Variants in SEC14L2 observed in about 807,000 individuals in gnomAD.
SEC14L2 encodes the protein SEC14-like protein 2.
In SEC14L2, 50 loss-of-function variants were observed where a neutral mutation model predicts 56.9. The observed-to-expected ratio is 0.88, with a 90% CI of 0.70 to 1.11. The LOEUF (loss-of-function observed/expected upper bound fraction) is 1.11, where lower values mean the gene tolerates loss of function less well. SEC14L2 is among the 50% of genes most tolerant of loss of function. The pLI is 0.00. For missense variants in SEC14L2, 414 were observed against 500.7 expected (o/e 0.83, Z 1.65); for synonymous variants, 179 against 188.5 (o/e 0.95, Z 0.41).
intron 11 of SEC14L2, among the ~76,000 whole-genome samples, chr22:30,420,229 A>C (rs1934482184): frequency 6.6e-6 from 1 of 152,212 alleles, no homozygotes; most frequent in Admixed American, 6.5e-5. Context: ...CTGGGATTAC[A>C]GGCGTGAGCC....
intron 2 of SEC14L2, among the ~76,000 whole-genome samples, chr22:30,402,954 C>A (rs1933981817): frequency 6.6e-6 from 1 of 151,992 alleles, no homozygotes; most frequent in Admixed American, 6.6e-5. Context: ...GTGGCGTGCA[C>A]CTGTAGTCCC....
intron 5 of SEC14L2, 95 bp from the exon 6 acceptor site, chr22:30,409,092 T>C: frequency 9.2e-7 from 1 of 1,087,540 alleles, no homozygotes; most frequent in Non-Finnish European, 1.4e-6. Flanking sequence ...CTCTGATTGC[T>C]CTCTGGATGC....
Position 30,422,580 on chromosome 22 carries a change from G to A in SEC14L2, c.*173G>A. The A allele has an allele frequency of 1.4e-6, 1 of 724,796 alleles. No homozygotes were observed. The highest frequency in any genetic ancestry group is 1.9e-5 in the South Asian group (1 of 52,132). 44.9% of individuals were successfully genotyped at this position (724,796 alleles called of 1,614,324 possible). ...AAGAGCGACTGCAGTGGGTCTCCGTGTCTATCAAATACCTAAGGAGTCCCC... is the reference window on the plus strand; with the variant it reads ...AAGAGCGACTGCAGTGGGTCTCCGTATCTATCAAATACCTAAGGAGTCCCC... On this transcript the variant is annotated 3_prime_UTR_variant, in exon 12 of 12. Transcript: ENST00000615189.
chr22:30,416,095 C>A lies in SEC14L2; in HGVS notation c.911+8C>A, dbSNP rs773979554. ...CCCTGGCTGTGTCCTCAGGTAGGGGCCTGGGCCCTTCCAGGAGACCCGAGC... is the reference window on the plus strand; with the variant it reads ...CCCTGGCTGTGTCCTCAGGTAGGGGACTGGGCCCTTCCAGGAGACCCGAGC... On this transcript the variant is annotated splice_region_variant and intron_variant, in intron 10 of 11. Coordinates refer to ENST00000615189, the MANE Select transcript of SEC14L2 (RefSeq NM_012429.5). 1.3e-5 allele frequency: 21 copies of A among 1,614,046 alleles called. No individual in the cohort carries two copies. Among genetic ancestry groups the A allele is most frequent in the Non-Finnish European group, 1.8e-5 (21 of 1,179,980 alleles).
intron 2 of SEC14L2, among the ~76,000 whole-genome samples, chr22:30,403,871 C>T (rs11089448): frequency 0.16 from 24,847 of 151,240 alleles, 2,499 homozygotes; most frequent in South Asian, 0.39. Flanking sequence ...GGTGCGGTGG[C>T]GGGCGCCTGT....
intron 11 of SEC14L2, chr22:30,416,930 C>G (rs1186211235): frequency 4.5e-6 from 4 of 883,008 alleles, no homozygotes; most frequent in Non-Finnish European, 5.5e-6. Flanking sequence ...GGTGCTTAAT[C>G]TCTCTTAACT....
At position 30,424,615 on chromosome 22, in the gene SEC14L2, A is replaced by G. The variant is rs1258196661; in HGVS notation, c.*2208A>G. On this transcript the variant is annotated 3_prime_UTR_variant, in exon 12 of 12. Transcript: ENST00000615189. ...AAATAAGCCGTGCAAAGCGCTTAAG[A>G]GCTTGGTATAAGTAAGTGCTCGTCA... 2.3e-6 allele frequency: 1 copy of G among 436,448 alleles called. No homozygotes were observed. The highest frequency in any genetic ancestry group is 2.5e-5 in the Admixed American group (1 of 39,544). 27.0% of individuals were successfully genotyped at this position (436,448 alleles called of 1,614,324 possible). A position where few individuals can be genotyped will look rare whatever the true frequency, so the allele number is the denominator to read the frequency against.
chr22:30,405,918 T>C (rs1934080239), intron 2 of SEC14L2, among the ~76,000 whole-genome samples: 1 of 152,084 alleles, frequency 6.6e-6, no homozygotes, highest in African/African-American at 2.4e-5. Context: ...GCTGGTATGT[T>C]CATCTTTGAA....
intron 11 of SEC14L2, among the ~76,000 whole-genome samples, chr22:30,418,616 G>T (rs1254263878): frequency 6.6e-6 from 1 of 152,186 alleles, no homozygotes; most frequent in South Asian, 2.1e-4. Context: ...TGCCTGCAGG[G>T]TCTTGTCTGG....
At chr22:30,399,548 A>G (rs549775594) in intron 1 of SEC14L2, 95 bp from the exon 2 acceptor site, 1 of 715,378 alleles carries the variant, frequency 1.4e-6, no homozygotes, top group Non-Finnish European at 2.2e-6. Context: ...GAAACAAAGA[A>G]AGAGGCGTCC....
At chr22:30,409,105 A>C (rs1934176729) in intron 5 of SEC14L2, 82 bp from the exon 6 acceptor site, 1 of 1,188,408 alleles carries the variant, frequency 8.4e-7, no homozygotes, top group Non-Finnish European at 1.3e-6. Flanking sequence ...CTGGATGCAC[A>C]GTGCAATCAT....
At chr22:30,404,009 CAAAAAAAAA>C (rs67366822) in intron 2 of SEC14L2, among the ~76,000 whole-genome samples, 1 of 93,222 alleles carries the variant, frequency 1.1e-5, no homozygotes, top group Non-Finnish European at 2.1e-5. Context: ...GACTCCGTCT[CAAAAAAAAA>C]AAAAAAAAAA....
chr22:30,415,305 C>T (rs1202741700), intron 8 of SEC14L2, among the ~76,000 whole-genome samples: 1 of 152,036 alleles, frequency 6.6e-6, no homozygotes, highest in African/African-American at 2.4e-5. Context: ...TGGTGTCGGG[C>T]GCCTGTTGTC....
intron 11 of SEC14L2, chr22:30,416,624 C>G: frequency 6.9e-7 from 1 of 1,456,392 alleles, no homozygotes; most frequent in Non-Finnish European, 9.0e-7. Context: ...ATCTCATACT[C>G]CTAGGTATGG....
chr22:30,418,604 C>T (rs537279415), intron 11 of SEC14L2, among the ~76,000 whole-genome samples: 1 of 152,222 alleles, frequency 6.6e-6, no homozygotes, highest in Non-Finnish European at 1.5e-5. Context: ...AGAACCTTTA[C>T]CTGCCTGCAG....
intron 11 of SEC14L2, chr22:30,416,966 GA>G (rs1291383764): frequency 3.5e-6 from 2 of 576,246 alleles, no homozygotes; most frequent in Non-Finnish European, 4.4e-6. Flanking sequence ...AATTCCCCTT[GA>G]CTCAGCAATT....
At chr22:30,411,512 G>A (rs1483125877) in intron 8 of SEC14L2, among the ~76,000 whole-genome samples, 3 of 151,996 alleles carry the variant, frequency 2.0e-5, no homozygotes, top group East Asian at 1.9e-4. Flanking sequence ...TTGGGAGGCC[G>A]AGGTAGGCGG....
chr22:30,407,278 G>GT, intron 4 of SEC14L2, 124 bp downstream of exon 4: 1 of 1,435,134 alleles, frequency 7.0e-7, no homozygotes, highest in South Asian at 1.2e-5. Flanking sequence ...AGCCCTGATG[G>GT]TCTCCAGAAT....
rs919232782 is a variant in SEC14L2, at chr22:30,423,902, C to T, written c.*1495C>T. 5 of 152,336 alleles carry T rather than the reference C, an allele frequency of 3.3e-5. No homozygotes were observed. The highest frequency in any genetic ancestry group is 3.3e-4 in the Admixed American group (5 of 15,294). 9.4% of individuals were successfully genotyped at this position (152,336 alleles called of 1,614,324 possible). A position where few individuals can be genotyped will look rare whatever the true frequency, so the allele number is the denominator to read the frequency against. Reference sequence around the variant, plus strand: ...CTGCCTCTCACTCAAGAGGCCCAAACTCAGACGGCGTCAGGGACCCGGACC... The same window carrying T: ...CTGCCTCTCACTCAAGAGGCCCAAATTCAGACGGCGTCAGGGACCCGGACC... On this transcript the variant is annotated 3_prime_UTR_variant, in exon 12 of 12. Transcript: ENST00000615189.
Sources: gnomAD v4.1 joint callset for allele counts (sites outside exome capture counted in the v4.1 genomes callset) on GRCh38, gnomAD v4.1.1 for gene constraint, MANE v1.5 for transcripts, NCBI Gene and HGNC (gene_info 2026-07-23, HGNC 2026-07-21) for gene names.